Variants in SMC6 observed in about 807,000 individuals in gnomAD.
SMC6 encodes structural maintenance of chromosomes protein 6.
SMC6 carries 79 observed loss-of-function variants against 142.2 expected under a neutral mutation model. The ratio of observed to expected loss-of-function variants is 0.56; its 90% CI spans 0.46 to 0.67. The LOEUF is 0.67. SMC6 is among the 30% of genes least tolerant of loss of function. SMC6 has a pLI of 0.00. For synonymous variants in SMC6, 411 were observed against 412.4 expected, an observed-to-expected ratio of 1.00 and a Z score of 0.04; for missense variants, 1,072 against 1,284.0, an observed-to-expected ratio of 0.83 and a Z score of 2.52.
intron 16 of SMC6, among the ~76,000 whole-genome samples, chr2:17,712,378 A>C (rs939296809): frequency 2.6e-5 from 4 of 152,202 alleles, no homozygotes; most frequent in African/African-American, 9.7e-5. Flanking sequence ...TGGTTAATAG[A>C]GTCAGGCAAG....
At position 17,703,173 on chromosome 2, in the gene SMC6, T is replaced by C. The variant is rs1387039273; in HGVS notation, c.2126A>G (p.His709Arg). 2.1e-6 allele frequency: 3 copies of C among 1,458,396 alleles called. 1 individual carries two copies. Among genetic ancestry groups the C allele is most frequent in the Middle Eastern group, 1.8e-4 (1 of 5,654 alleles). The allele number at this position is 1,458,396 out of a possible 1,614,324, so 90.3% of individuals were successfully genotyped here. A position where few individuals can be genotyped will look rare whatever the true frequency, so the allele number is the denominator to read the frequency against. The change falls in exon 19 of 28, where the codon CAT becomes CGT. Residue 709 changes from histidine to arginine, a missense_variant. Around this residue, in one of 3 missense-constraint regions of SMC6, gnomAD observed 994 missense variants for 1,153.2 expected, o/e 0.86. Transcript: ENST00000448223. ...TTTTTTTACCTTTAGTTCTTTATAA[T>C]GTAGTTGGCACCTTTTAAGAAGTTC... ...NEELLKRCQLHYKELKMKIRK... is the reference protein window; with the variant it reads ...NEELLKRCQLRYKELKMKIRK...
rs777639840 is a variant in SMC6, at chr2:17,700,365, T to A, written c.2237A>T (p.Gln746Leu). The A allele has an allele frequency of 5.0e-6, 8 of 1,601,460 alleles. No homozygotes were observed. The East Asian group carries it at 1.6e-4, about 32-fold the overall frequency. ...VDIATLEDEA[Q>L]ENKSKMKMVE... ...CATTTTCATTTTGCTTTTATTTTCC[T>A]GAGCTTCATCTTCCTGATAAAATTT... Residue 746 changes from glutamine to leucine, a missense_variant, in exon 21 of 28, where the codon CAG becomes CTG. Coordinates refer to ENST00000448223, the MANE Select transcript of SMC6 (RefSeq NM_001142286.2).
chr2:17,707,114 T>A (rs897362514), intron 18 of SMC6, 105 bp downstream of exon 18: 12 of 843,796 alleles, frequency 1.4e-5, no homozygotes, highest in Non-Finnish European at 1.9e-5. Context: ...TGAGATAGAT[T>A]ACTCACGTCC....
intron 23 of SMC6, among the ~76,000 whole-genome samples, chr2:17,686,899 T>G (rs994724921): frequency 6.6e-6 from 1 of 152,184 alleles, no homozygotes; most frequent in African/African-American, 2.4e-5. Flanking sequence ...CTTTGTTCCG[T>G]GAACAAAATT....
At chr2:17,684,408 T>A (rs1188768115) in intron 23 of SMC6, among the ~76,000 whole-genome samples, 1 of 152,160 alleles carries the variant, frequency 6.6e-6, no homozygotes, top group African/African-American at 2.4e-5. Context: ...TGGCACAGCA[T>A]CCAGATATTT....
chr2:17,696,810 C>A (rs1340235131), intron 21 of SMC6, among the ~76,000 whole-genome samples: 1 of 152,072 alleles, frequency 6.6e-6, no homozygotes, highest in African/African-American at 2.4e-5. Flanking sequence ...AAAAATTTAA[C>A]GCTGATTTAT....
intron 16 of SMC6, 122 bp downstream of exon 16, chr2:17,714,739 G>T: frequency 2.0e-6 from 2 of 991,468 alleles, no homozygotes; most frequent in South Asian, 1.5e-5. Context: ...AATTAAAGTG[G>T]CTTGATGAAA....
chr2:17,667,006 G>A (rs557265031), intron 26 of SMC6, among the ~76,000 whole-genome samples: 1 of 152,146 alleles, frequency 6.6e-6, no homozygotes, highest in Non-Finnish European at 1.5e-5. Flanking sequence ...GAAACTCTTC[G>A]GGGACAATAA....
chr2:17,722,687 G>A (rs749355846), intron 9 of SMC6, among the ~76,000 whole-genome samples: 16 of 151,968 alleles, frequency 1.1e-4, no homozygotes, highest in Non-Finnish European at 2.2e-4. Flanking sequence ...ATGTAGTGTC[G>A]GACCACATGG....
chr2:17,725,115 C>T, intron 9 of SMC6, 142 bp downstream of exon 9: 2 of 594,502 alleles, frequency 3.4e-6, no homozygotes, highest in South Asian at 4.5e-5. Flanking sequence ...ATAAACACTA[C>T]ATTGCATATA....
At chr2:17,731,641 T>C (rs998916538) in intron 6 of SMC6, 100 bp downstream of exon 6, 30 of 1,158,248 alleles carry the variant, frequency 2.6e-5, no homozygotes, top group East Asian at 9.5e-5. Flanking sequence ...CAACCAATCA[T>C]GTTACAAGGA....
intron 7 of SMC6, 97 bp from the exon 8 acceptor site, chr2:17,726,566 TC>T: frequency 1.1e-6 from 1 of 927,132 alleles, no homozygotes; most frequent in Admixed American, 2.4e-5. Flanking sequence ...TATGGTGCCA[TC>T]AGGAAGGCCA....
At chr2:17,681,035 C>G (rs543457955) in intron 24 of SMC6, 1 of 152,332 alleles carries the variant, frequency 6.6e-6, no homozygotes, top group East Asian at 1.9e-4. Flanking sequence ...CCACTTTCAT[C>G]AGTTATCTTA....
chr2:17,734,083 A>G (rs2125052657), intron 5 of SMC6, among the ~76,000 whole-genome samples: 1 of 152,222 alleles, frequency 6.6e-6, no homozygotes, highest in South Asian at 2.1e-4. Flanking sequence ...GGAGGTGCAC[A>G]GAGGAGAGTT....
chr2:17,731,172 T>A, intron 6 of SMC6, 33 bp from the exon 7 acceptor site: 2 of 1,482,346 alleles, frequency 1.3e-6, no homozygotes, highest in Non-Finnish European at 9.4e-7. Context: ...ATAACCAAAC[T>A]GTTTCTAGGG....
At chr2:17,690,429 C>T (rs1667649290) in intron 23 of SMC6, among the ~76,000 whole-genome samples, 1 of 151,982 alleles carries the variant, frequency 6.6e-6, no homozygotes, top group African/African-American at 2.4e-5. Flanking sequence ...TCCAGCTCTA[C>T]TAAAAGTACA....
At chr2:17,714,092 G>GTT (rs10574833) in intron 16 of SMC6, among the ~76,000 whole-genome samples, 10 of 139,066 alleles carry the variant, frequency 7.2e-5, no homozygotes, top group Non-Finnish European at 4.7e-5. Flanking sequence ...TGTTTTTTTT[G>GTT]TTTTTTTTTT....
intron 24 of SMC6, chr2:17,681,912 A>G (rs1184851901): frequency 1.3e-5 from 2 of 152,224 alleles, no homozygotes; most frequent in African/African-American, 4.8e-5. Flanking sequence ...TTTGTAAAAA[A>G]TGAAATATTT....
intron 26 of SMC6, 131 bp from the exon 27 acceptor site, chr2:17,666,648 C>T: frequency 1.5e-6 from 1 of 662,298 alleles, no homozygotes. Flanking sequence ...CTATGATGTC[C>T]AAGAAATCTA....
Sources: allele counts gnomAD v4.1 joint callset (sites outside exome capture counted in the v4.1 genomes callset), GRCh38; gene constraint gnomAD v4.1.1; regional missense constraint gnomAD v4.1.1; transcripts MANE v1.5; gene names NCBI Gene and HGNC (gene_info 2026-07-23, HGNC 2026-07-21).